The following PVT1 variants were observed in gnomAD, a reference collection of about 807,000 sequenced individuals.
The protein encoded by PVT1 is CXCR4/PVT1 fusion.
chr8:127,985,095 G>A lies in PVT1; in HGVS notation n.783-4067G>A, dbSNP rs181495777. 9.4e-3 allele frequency among the ~76,000 whole-genome samples: 1,370 copies of A among 146,128 alleles called. 15 individuals carry two copies. The highest frequency in any genetic ancestry group is 0.033 in the African/African-American group (1,298 of 39,146). ...GTCGCCGAGGCTGGAGTGTAGTGGC[G>A]TGATCTCGGCTCACTGTAACCTCTG... On this transcript the variant is annotated intron_variant and non_coding_transcript_variant, in intron 3 of 10. Coordinates refer to ENST00000651587, the Ensembl canonical transcript of PVT1.
chr8:127,823,332 G>T (rs375093319), intron 2 of PVT1, among the ~76,000 whole-genome samples: 2 of 152,208 alleles, frequency 1.3e-5, no homozygotes, highest in Non-Finnish European at 2.9e-5. Context: ...CAAAGAGAAG[G>T]ATAGGAGCTT....
intron 2 of PVT1, among the ~76,000 whole-genome samples, chr8:127,801,637 C>T (rs1814465980): frequency 6.6e-6 from 1 of 152,146 alleles, no homozygotes; most frequent in Admixed American, 6.5e-5. Flanking sequence ...AAATCAGGGT[C>T]AGGAGCTAGA....
chr8:127,811,966 G>A lies in PVT1; in HGVS notation n.372+15895G>A, dbSNP rs182461401. Reference sequence around the variant, plus strand: ...ATTGCTTAAAGAAATGAACCTTCAGGTGTGGCGGCTCGTGCCTGTAATCCC... The same window carrying A: ...ATTGCTTAAAGAAATGAACCTTCAGATGTGGCGGCTCGTGCCTGTAATCCC... On this transcript the variant is annotated intron_variant and non_coding_transcript_variant, in intron 2 of 10. Coordinates refer to ENST00000651587, the Ensembl canonical transcript of PVT1. Among the ~76,000 whole-genome samples, 227 of 152,100 alleles carry A rather than the reference G, an allele frequency of 1.5e-3. 1 individual carries two copies. Among genetic ancestry groups the A allele is most frequent in the Non-Finnish European group, 2.5e-3 (171 of 68,014 alleles).
chr8:127,973,323 C>G (rs1816785462), intron 3 of PVT1, among the ~76,000 whole-genome samples: 1 of 152,152 alleles, frequency 6.6e-6, no homozygotes, highest in South Asian at 2.1e-4. Flanking sequence ...GAGAGAGCCA[C>G]CAGTTAGTGA....
chr8:127,961,390 C>T (rs1254877900), intron 3 of PVT1, among the ~76,000 whole-genome samples: 1 of 152,094 alleles, frequency 6.6e-6, no homozygotes, highest in East Asian at 1.9e-4. Flanking sequence ...TCTGGGGTTA[C>T]AGGAAGGAAG....
chr8:127,873,714 G>T (rs1815376403), intron 2 of PVT1, among the ~76,000 whole-genome samples: 1 of 152,196 alleles, frequency 6.6e-6, no homozygotes, highest in Non-Finnish European at 1.5e-5. Flanking sequence ...GTGCTATGGA[G>T]ATTTCAGAGC....
At chr8:128,057,014 G>T (rs114608152) in intron 4 of PVT1, among the ~76,000 whole-genome samples, 1 of 152,018 alleles carries the variant, frequency 6.6e-6, no homozygotes, top group Non-Finnish European at 1.5e-5. Context: ...TTAGCTTCCC[G>T]CATCATTGAG....
chr8:128,053,831 G>T (rs1813729230), intron 4 of PVT1, among the ~76,000 whole-genome samples: 1 of 152,230 alleles, frequency 6.6e-6, no homozygotes, highest in African/African-American at 2.4e-5. Context: ...AGAAGGGTTG[G>T]GGCAAGGCCA....
At chr8:127,838,730 G>A (rs1814936154) in intron 2 of PVT1, among the ~76,000 whole-genome samples, 1 of 152,080 alleles carries the variant, frequency 6.6e-6, no homozygotes, top group African/African-American at 2.4e-5. Flanking sequence ...AATAATGGTA[G>A]CTTCTATTTA....
At chr8:128,077,872 G>C (rs1369734166) in intron 5 of PVT1, among the ~76,000 whole-genome samples, 6 of 152,328 alleles carry the variant, frequency 3.9e-5, no homozygotes, top group South Asian at 2.1e-4. Flanking sequence ...CCTGACCTAT[G>C]ATTCACAGAT....
intron 3 of PVT1, among the ~76,000 whole-genome samples, chr8:127,972,243 G>T (rs1816772664): frequency 6.6e-6 from 1 of 152,244 alleles, no homozygotes; most frequent in Non-Finnish European, 1.5e-5. Flanking sequence ...GTGCTTCCCA[G>T]TGGCCTCCGT....
At chr8:128,090,465 G>A (rs186857654) in intron 5 of PVT1, among the ~76,000 whole-genome samples, 33 of 152,276 alleles carry the variant, frequency 2.2e-4, no homozygotes, top group African/African-American at 7.5e-4. Context: ...ACTTTGATGG[G>A]GGGCTAAGTC....
At chr8:127,798,735 G>T (rs1213202120) in intron 2 of PVT1, among the ~76,000 whole-genome samples, 1 of 148,646 alleles carries the variant, frequency 6.7e-6, no homozygotes, top group Non-Finnish European at 1.5e-5. Context: ...AATTAGCCCG[G>T]CGTGGTGGCA....
At chr8:128,041,877 A>G (rs1040786090) in intron 4 of PVT1, among the ~76,000 whole-genome samples, 12 of 152,118 alleles carry the variant, frequency 7.9e-5, no homozygotes, top group Non-Finnish European at 1.5e-4. Context: ...CTCATGGGCC[A>G]CCTATGTATT....
rs537546219 is a variant in PVT1, at chr8:127,804,086, C to T, written n.372+8015C>T. ...ACCTGTAGTTCCATCTTTGGTGGCACGCACCTGTATTCCCATCTACTTGGG... is the reference window on the plus strand; with the variant it reads ...ACCTGTAGTTCCATCTTTGGTGGCATGCACCTGTATTCCCATCTACTTGGG... On this transcript the variant is annotated intron_variant and non_coding_transcript_variant, in intron 2 of 10. Transcript: ENST00000651587. 3.3e-5 allele frequency among the ~76,000 whole-genome samples: 5 copies of T among 152,058 alleles called. No individual in the cohort carries two copies. The East Asian group carries it at 5.8e-4, about 18-fold the overall frequency.
chr8:128,073,107 A>G (rs903516783), intron 5 of PVT1, among the ~76,000 whole-genome samples: 3 of 152,004 alleles, frequency 2.0e-5, no homozygotes, highest in African/African-American at 7.3e-5. Flanking sequence ...GTGCTGGATT[A>G]CAGGCGTGAA....
intron 2 of PVT1, among the ~76,000 whole-genome samples, chr8:127,812,268 A>AAGGCAGGAAGGAAGGAAGGC (rs750721995): frequency 7.6e-6 from 1 of 131,218 alleles, no homozygotes; most frequent in African/African-American, 3.3e-5. Flanking sequence ...GGAAGGCAGG[A>AAGGCAGGAAGGAAGGAAGGC]AGGAAGGAAG....
At chr8:127,959,305 G>C (rs1280202732) in intron 3 of PVT1, among the ~76,000 whole-genome samples, 2 of 152,344 alleles carry the variant, frequency 1.3e-5, no homozygotes, top group East Asian at 3.9e-4. Context: ...AAAAGACCCA[G>C]GCTGGGCGCG....
chr8:128,096,742 A>T (rs891558995), intron 6 of PVT1: 3 of 152,244 alleles, frequency 2.0e-5, no homozygotes, highest in Admixed American at 2.0e-4. Context: ...GCATATAGTA[A>T]ACAACTTGTA....
Sources: allele counts gnomAD v4.1 joint callset (sites outside exome capture counted in the v4.1 genomes callset), GRCh38; gene constraint gnomAD v4.1.1; transcripts MANE v1.5; gene names NCBI Gene and HGNC (gene_info 2026-07-23, HGNC 2026-07-21).